Variants in SIPA1L3 observed in about 807,000 individuals in gnomAD.
SIPA1L3 encodes signal induced proliferation associated 1 like 3.
SIPA1L3 carries 59 observed loss-of-function variants against 150.1 expected under a neutral mutation model. The ratio of observed to expected loss-of-function variants is 0.39; its 90% confidence interval spans 0.32 to 0.49. The LOEUF (loss-of-function observed/expected upper bound fraction) is 0.49. Among genes scored for constraint, SIPA1L3 ranks in the 20% least tolerant of loss-of-function variants. SIPA1L3 has a pLI of 0.86. For synonymous variants in SIPA1L3, 1,070 were observed against 1,077.6 expected, an observed-to-expected ratio of 0.99 and a Z score of 0.14; for missense variants, 2,211 against 2,489.5, an observed-to-expected ratio of 0.89 and a Z score of 2.38.
At chr19:37,992,650 TAAAAAAA>T (rs3083579) in intron 1 of SIPA1L3, among the ~76,000 whole-genome samples, 3 of 146,766 alleles carry the variant, frequency 2.0e-5, no homozygotes, top group South Asian at 2.2e-4. Flanking sequence ...CACTCTGTCT[TAAAAAAA>T]AAAAAAAAAA....
At chr19:38,091,085 A>C (rs1446663750) in intron 4 of SIPA1L3, among the ~76,000 whole-genome samples, 1 of 152,192 alleles carries the variant, frequency 6.6e-6, no homozygotes, top group Non-Finnish European at 1.5e-5. Context: ...TGACGCCTAC[A>C]GTCATATACT....
chr19:37,962,141 T>G (rs1211466507), intron 1 of SIPA1L3, among the ~76,000 whole-genome samples: 1 of 141,700 alleles, frequency 7.1e-6, no homozygotes, highest in African/African-American at 2.8e-5. Flanking sequence ...AATTTTTCTT[T>G]CATTCTTTTT....
At chr19:37,986,564 C>T (rs1967356021) in intron 1 of SIPA1L3, among the ~76,000 whole-genome samples, 1 of 152,200 alleles carries the variant, frequency 6.6e-6, no homozygotes, top group East Asian at 1.9e-4. Flanking sequence ...TTGTCGCCAG[C>T]GTTGGGGGCC....
chr19:38,112,904 T>C (rs1323932979), intron 8 of SIPA1L3, among the ~76,000 whole-genome samples: 2 of 152,116 alleles, frequency 1.3e-5, no homozygotes, highest in African/African-American at 4.8e-5. Flanking sequence ...AATTTCTAAT[T>C]GTCCTTCAAG....
At chr19:37,973,298 G>A (rs570668892) in intron 1 of SIPA1L3, among the ~76,000 whole-genome samples, 3 of 147,640 alleles carry the variant, frequency 2.0e-5, no homozygotes, top group East Asian at 2.0e-4. Flanking sequence ...GTGCAGTGGC[G>A]CAATCTTGGC....
chr19:38,145,664 G>A (rs1227505147), intron 12 of SIPA1L3, among the ~76,000 whole-genome samples: 1 of 152,028 alleles, frequency 6.6e-6, no homozygotes, highest in African/African-American at 2.4e-5. Flanking sequence ...ATGGGTACAG[G>A]CCTACAGCTT....
At chr19:38,113,127 C>A (rs1970803975) in intron 8 of SIPA1L3, among the ~76,000 whole-genome samples, 1 of 151,904 alleles carries the variant, frequency 6.6e-6, no homozygotes. Flanking sequence ...AAGAGAATCG[C>A]TTGAACCCAG....
chr19:38,142,494 T>C, intron 11 of SIPA1L3, 79 bp from the exon 12 acceptor site: 1 of 1,466,234 alleles, frequency 6.8e-7, no homozygotes, highest in Non-Finnish European at 9.2e-7. Context: ...TCCATCCATC[T>C]GTCTGTCCGT....
chr19:38,078,676 G>A lies in SIPA1L3; in HGVS notation c.-310-2580G>A, dbSNP rs12386130. Reference sequence around the variant, plus strand: ...GCTCCAATAGCCATTGATCAAGAACGGCTGCATCCAGCTCTAGATTCCCAG... The same window carrying A: ...GCTCCAATAGCCATTGATCAAGAACAGCTGCATCCAGCTCTAGATTCCCAG... On this transcript the variant is annotated intron_variant, in intron 2 of 21. Transcript: ENST00000222345. 7.9e-3 allele frequency among the ~76,000 whole-genome samples: 1,197 copies of A among 152,134 alleles called. 15 individuals carry two copies. Among genetic ancestry groups the A allele is most frequent in the African/African-American group, 0.027 (1,126 of 41,512 alleles).
chr19:38,004,371 T>C (rs1967884354), intron 1 of SIPA1L3, among the ~76,000 whole-genome samples: 1 of 152,118 alleles, frequency 6.6e-6, no homozygotes, highest in African/African-American at 2.4e-5. Context: ...CCAACTCAAA[T>C]AGACATAAAT....
At chr19:37,941,009 T>G (rs1035524625) in intron 1 of SIPA1L3, among the ~76,000 whole-genome samples, 24 of 152,064 alleles carry the variant, frequency 1.6e-4, no homozygotes, top group African/African-American at 5.1e-4. Context: ...TTCTTCTATC[T>G]CTGTGTTTCC....
intron 9 of SIPA1L3, among the ~76,000 whole-genome samples, chr19:38,127,188 G>A (rs184645427): frequency 8.6e-5 from 13 of 151,642 alleles, no homozygotes; most frequent in East Asian, 2.0e-4. Context: ...GCGAAACTCC[G>A]TCTCAAAAAA....
At chr19:38,094,466 G>T (rs1366867628) in intron 4 of SIPA1L3, among the ~76,000 whole-genome samples, 1 of 152,098 alleles carries the variant, frequency 6.6e-6, no homozygotes, top group Non-Finnish European at 1.5e-5. Context: ...GCCCAGGCTG[G>T]TCTTGAACTC....
chr19:38,010,728 A>G (rs1968077310), intron 1 of SIPA1L3, among the ~76,000 whole-genome samples: 1 of 152,170 alleles, frequency 6.6e-6, no homozygotes. Flanking sequence ...AAAACAAAAC[A>G]AAAAAGAATG....
At chr19:38,063,985 C>T (rs1969511457) in intron 2 of SIPA1L3, among the ~76,000 whole-genome samples, 1 of 152,204 alleles carries the variant, frequency 6.6e-6, no homozygotes. Context: ...ACAACAGAGG[C>T]CTCTCACCTG....
intron 1 of SIPA1L3, among the ~76,000 whole-genome samples, chr19:37,917,603 A>G (rs2145477126): frequency 6.6e-6 from 1 of 152,320 alleles, no homozygotes; most frequent in Non-Finnish European, 1.5e-5. Context: ...GCTCAGGTGC[A>G]GAGTGTATAC....
chr19:38,013,990 G>A (rs185082578), intron 1 of SIPA1L3, among the ~76,000 whole-genome samples: 1 of 152,264 alleles, frequency 6.6e-6, no homozygotes, highest in Non-Finnish European at 1.5e-5. Context: ...TTGTCATTTT[G>A]TTGGGGACAG....
intron 1 of SIPA1L3, among the ~76,000 whole-genome samples, chr19:37,977,369 TA>T (rs1967101056): frequency 6.6e-6 from 1 of 152,166 alleles, no homozygotes; most frequent in Admixed American, 6.5e-5. Flanking sequence ...TTTGCCATGT[TA>T]GCCAGGCTGG....
At chr19:37,908,325 T>C (rs141971129) in intron 1 of SIPA1L3, among the ~76,000 whole-genome samples, 1 of 152,310 alleles carries the variant, frequency 6.6e-6, no homozygotes, top group Non-Finnish European at 1.5e-5. Flanking sequence ...GCTGAGATTG[T>C]ATTTCTAGTC....
Sources: gnomAD v4.1 joint callset for allele counts (sites outside exome capture counted in the v4.1 genomes callset) on GRCh38, gnomAD v4.1.1 for gene constraint, MANE v1.5 for transcripts, NCBI Gene and HGNC (gene_info 2026-07-23, HGNC 2026-07-21) for gene names.